Variants in PRRX2 observed in about 807,000 individuals in gnomAD.
PRRX2 encodes the protein paired related homeobox 2, also known as paired mesoderm homeobox protein 2.
In PRRX2, 11 loss-of-function variants were observed where a neutral mutation model predicts 18.0. The observed-to-expected ratio is 0.61, with a 90% CI of 0.39 to 1.01. The LOEUF (loss-of-function observed/expected upper bound fraction) is 1.01, where lower values mean the gene tolerates loss of function less well. PRRX2 is among the 50% of genes least tolerant of loss of function. PRRX2 has a pLI of 0.01. For missense variants in PRRX2, 387 were observed against 351.0 expected, an observed-to-expected ratio of 1.10 and a Z score of -0.82; for synonymous variants, 177 against 154.8, an observed-to-expected ratio of 1.14 and a Z score of -1.06.
intron 1 of PRRX2, among the ~76,000 whole-genome samples, chr9:129,667,559 A>G (rs998569890): frequency 9.2e-5 from 14 of 151,754 alleles, no homozygotes; most frequent in African/African-American, 3.4e-4. Context: ...AGGAAAGGAG[A>G]GAGAGAGGGA....
intron 1 of PRRX2, among the ~76,000 whole-genome samples, chr9:129,683,537 C>T (rs971876563): frequency 1.3e-5 from 2 of 152,054 alleles, no homozygotes; most frequent in Admixed American, 1.3e-4. Flanking sequence ...AGATCGAGAC[C>T]GTCCTGGCTA....
rs1408504910 is a variant in PRRX2, at chr9:129,671,289, C to T, written c.259+5163C>T. 1.2e-4 allele frequency among the ~76,000 whole-genome samples: 18 copies of T among 152,154 alleles called. No individual in the cohort carries two copies. The highest frequency in any genetic ancestry group is 1.2e-3 in the Admixed American group (18 of 15,276). On this transcript the variant is annotated intron_variant, in intron 1 of 3. Coordinates refer to ENST00000372469, the MANE Select transcript of PRRX2 (RefSeq NM_016307.4). The surrounding 1 kb of genome is among the most constrained non-coding windows in gnomAD (Gnocchi z 4.0). ...GTTTGGGAACTGCTGGGCCTCCCAG[C>T]GTGGCTAGGGCGGGACAGTGGCCTG...
intron 1 of PRRX2, among the ~76,000 whole-genome samples, chr9:129,717,710 A>G (rs532969582): frequency 4.6e-5 from 7 of 150,844 alleles, no homozygotes; most frequent in South Asian, 2.1e-4. Flanking sequence ...AAAAAAAAAA[A>G]AAAAGAAAAA....
intron 1 of PRRX2, among the ~76,000 whole-genome samples, chr9:129,686,607 A>G (rs1832302006): frequency 6.6e-6 from 1 of 152,114 alleles, no homozygotes; most frequent in Non-Finnish European, 1.5e-5. Context: ...CTCTGGGATC[A>G]CAGGCATGAG....
intron 1 of PRRX2, among the ~76,000 whole-genome samples, chr9:129,678,206 C>T (rs534857118): frequency 4.6e-5 from 7 of 152,194 alleles, no homozygotes; most frequent in Admixed American, 3.3e-4. Context: ...TCAGGTGATC[C>T]GCCTGCCTCG....
chr9:129,673,750 G>A (rs941374418), intron 1 of PRRX2, among the ~76,000 whole-genome samples: 13 of 152,184 alleles, frequency 8.5e-5, no homozygotes, highest in South Asian at 4.1e-4. Flanking sequence ...TTAGTGGTCA[G>A]GGTGGCCGCA....
rs986291913 is a variant in PRRX2, at chr9:129,675,426, C to A, written c.259+9300C>A. 2.0e-5 allele frequency among the ~76,000 whole-genome samples: 3 copies of A among 152,104 alleles called. No homozygotes were observed. The highest frequency in any genetic ancestry group is 7.2e-5 in the African/African-American group (3 of 41,410). ...GTGGCCAGGGTTGGGGTGTAGGAGG[C>A]AGTCAAAAGCACCCCTGCTGAGCTG... is the stretch of plus-strand genomic sequence containing the variant. On this transcript the variant is annotated intron_variant, in intron 1 of 3. Transcript: ENST00000372469. This position sits in a 1 kb window ranked among gnomAD's most constrained non-coding sequence, Gnocchi z 4.4.
chr9:129,688,725 A>G (rs1832323438), intron 1 of PRRX2, among the ~76,000 whole-genome samples: 1 of 152,178 alleles, frequency 6.6e-6, no homozygotes, highest in Non-Finnish European at 1.5e-5. Flanking sequence ...CCAAGCCTGG[A>G]ACCCAGTGTG....
At chr9:129,698,261 G>C (rs1428042286) in intron 1 of PRRX2, among the ~76,000 whole-genome samples, 5 of 94,182 alleles carry the variant, frequency 5.3e-5, no homozygotes, top group Middle Eastern at 4.4e-3. Context: ...ATGGGGCGGG[G>C]GGGGGGGGGG....
At position 129,698,768 on chromosome 9, in the gene PRRX2, G is replaced by A. The variant is rs902293947; in HGVS notation, c.260-20463G>A. On this transcript the variant is annotated intron_variant, in intron 1 of 3. Coordinates refer to ENST00000372469, the MANE Select transcript of PRRX2 (RefSeq NM_016307.4). ...CACAGGGAAACAGGCCCAGAGAGGAGCGGTCACAGGCTCAAAGTCACAGAG... is the reference window on the plus strand; with the variant it reads ...CACAGGGAAACAGGCCCAGAGAGGAACGGTCACAGGCTCAAAGTCACAGAG... 2.0e-5 allele frequency among the ~76,000 whole-genome samples: 3 copies of A among 152,230 alleles called. No homozygotes were observed. The East Asian group carries it at 5.8e-4, about 29-fold the overall frequency.
chr9:129,684,397 A>G (rs777055892), intron 1 of PRRX2, among the ~76,000 whole-genome samples: 3 of 148,280 alleles, frequency 2.0e-5, no homozygotes, highest in Non-Finnish European at 4.5e-5. Flanking sequence ...TAGAGGAGAC[A>G]CACACACAGA....
At chr9:129,707,526 G>A (rs955623614) in intron 1 of PRRX2, among the ~76,000 whole-genome samples, 6 of 152,068 alleles carry the variant, frequency 3.9e-5, no homozygotes, top group African/African-American at 1.2e-4. Context: ...TGGCTCACAC[G>A]TGTAATCCCA....
Position 129,705,068 on chromosome 9 carries a change from G to T in PRRX2, c.260-14163G>T, listed in dbSNP as rs75764820. Among the ~76,000 whole-genome samples the T allele has an allele frequency of 2.0e-3, 301 of 152,326 alleles. 11 individuals are homozygous for T. In the East Asian group the frequency reaches 0.053, roughly 27 times the overall value. On this transcript the variant is annotated intron_variant, in intron 1 of 3. Coordinates refer to ENST00000372469, the MANE Select transcript of PRRX2 (RefSeq NM_016307.4). ...GATTAAAACCAGACGGGACAGACATGAACCCCTCTCTTAGACCAAATTTCG... is the reference window on the plus strand; with the variant it reads ...GATTAAAACCAGACGGGACAGACATTAACCCCTCTCTTAGACCAAATTTCG...
chr9:129,665,837 C>T lies in PRRX2; in HGVS notation c.-31C>T, dbSNP rs1832011791. The T allele has an allele frequency of 4.9e-6, 5 of 1,027,906 alleles. No homozygotes were observed. Among genetic ancestry groups the T allele is most frequent in the Non-Finnish European group, 3.5e-6 (3 of 859,860 alleles). 63.7% of individuals were successfully genotyped at this position (1,027,906 alleles called of 1,614,324 possible). On this transcript the variant is annotated 5_prime_UTR_variant, in exon 1 of 4. Coordinates refer to ENST00000372469, the MANE Select transcript of PRRX2 (RefSeq NM_016307.4). The surrounding 1 kb of genome is among the most constrained non-coding windows in gnomAD (Gnocchi z 5.3). Reference sequence around the variant, plus strand: ...CTTCCTGGGACCCGAGCCCGAGACCCCCGCCGGCCCCCCCGGGGCCGCTCG... The same window carrying T: ...CTTCCTGGGACCCGAGCCCGAGACCTCCGCCGGCCCCCCCGGGGCCGCTCG...
At chr9:129,697,345 C>T (rs1832439202) in intron 1 of PRRX2, among the ~76,000 whole-genome samples, 2 of 152,108 alleles carry the variant, frequency 1.3e-5, no homozygotes, top group Admixed American at 1.3e-4. Context: ...GGCCGTGCCC[C>T]CTCCCGCCCG....
At chr9:129,668,172 G>T (rs904530775) in intron 1 of PRRX2, among the ~76,000 whole-genome samples, 1 of 152,200 alleles carries the variant, frequency 6.6e-6, no homozygotes, top group Non-Finnish European at 1.5e-5. Flanking sequence ...CAGGGCAGGC[G>T]CCAGTTTCCA....
At chr9:129,694,432 G>T (rs1053323287) in intron 1 of PRRX2, among the ~76,000 whole-genome samples, 1 of 152,174 alleles carries the variant, frequency 6.6e-6, no homozygotes, top group Non-Finnish European at 1.5e-5. Flanking sequence ...TGATCCGCCC[G>T]CCTCGGCCTC....
At chr9:129,668,305 G>C (rs1832053407) in intron 1 of PRRX2, among the ~76,000 whole-genome samples, 1 of 152,204 alleles carries the variant, frequency 6.6e-6, no homozygotes, top group Non-Finnish European at 1.5e-5. Flanking sequence ...TTTGAAAGTG[G>C]GCAGCCAAAC....
At chr9:129,718,679 G>T (rs1832746337) in intron 1 of PRRX2, 1 of 152,304 alleles carries the variant, frequency 6.6e-6, no homozygotes, top group Non-Finnish European at 1.5e-5. Context: ...GAATGATGAG[G>T]ATCACGACAT....
Sources: gnomAD v4.1 joint callset for allele counts (sites outside exome capture counted in the v4.1 genomes callset) on GRCh38, gnomAD v4.1.1 for gene constraint, Gnocchi (gnomAD v3.1) non-coding constraint, MANE v1.5 for transcripts, NCBI Gene and HGNC (gene_info 2026-07-23, HGNC 2026-07-21) for gene names.